VPS13D: variants seen among roughly 807,000 people sequenced by gnomAD.
VPS13D encodes vacuolar protein sorting 13 homolog D.
A neutral mutation model predicts 461.9 loss-of-function variants in VPS13D; 187 were observed. The observed-to-expected ratio is 0.40, with a 90% CI of 0.36 to 0.46. The LOEUF (loss-of-function observed/expected upper bound fraction) is 0.46. Among genes scored for constraint, VPS13D ranks in the 20% least tolerant of loss-of-function variants. The pLI, the probability that VPS13D is intolerant of heterozygous loss-of-function variation, is 0.60. For missense variants in VPS13D, 4,711 were observed against 5,364.9 expected (o/e 0.88, Z 3.81); for synonymous variants, 1,951 against 1,986.3 (o/e 0.98, Z 0.47).
At position 12,298,793 on chromosome 1, in the gene VPS13D, T is replaced by A. The variant is rs1642344935; in HGVS notation, c.6034-409T>A. 2.0e-5 allele frequency among the ~76,000 whole-genome samples: 3 copies of A among 152,344 alleles called. No homozygotes were observed. In the South Asian group the frequency reaches 6.2e-4, roughly 32 times the overall value. ...ACTTCAGATTTAATTTACTTTTCTT[T>A]TTCCAGCTTCTTAAGGTGGAAGCTT... On this transcript the variant is annotated intron_variant, in intron 24 of 69. Transcript: ENST00000620676.
chr1:12,362,933 C>G, intron 51 of VPS13D, 83 bp downstream of exon 51: 1 of 1,595,092 alleles, frequency 6.3e-7, no homozygotes, highest in Non-Finnish European at 8.6e-7. Flanking sequence ...ACTGTACGTT[C>G]TGTGATGCAA....
At chr1:12,367,928 T>A (rs1030198153) in intron 52 of VPS13D, among the ~76,000 whole-genome samples, 10 of 152,030 alleles carry the variant, frequency 6.6e-5, no homozygotes, top group African/African-American at 2.4e-4. Context: ...TTTTAAAAAA[T>A]TAATTATTTT....
intron 27 of VPS13D, among the ~76,000 whole-genome samples, chr1:12,309,965 A>G (rs927144415): frequency 6.6e-6 from 1 of 152,096 alleles, no homozygotes; most frequent in South Asian, 2.1e-4. Flanking sequence ...GTGTTATTCA[A>G]GTGCTCCCTG....
At chr1:12,268,451 G>T (rs1047608109) in intron 15 of VPS13D, among the ~76,000 whole-genome samples, 3 of 151,890 alleles carry the variant, frequency 2.0e-5, no homozygotes, top group African/African-American at 4.8e-5. Flanking sequence ...GGGCTAACTG[G>T]GCAACCTTGC....
chr1:12,342,816 G>T (rs1317615234), intron 41 of VPS13D, 83 bp from the exon 42 acceptor site: 7 of 1,467,904 alleles, frequency 4.8e-6, no homozygotes, highest in Non-Finnish European at 6.4e-6. Context: ...TTGTGAGAAG[G>T]TTCTGCTCTT....
At chr1:12,269,935 C>T (rs945676027) in intron 16 of VPS13D, among the ~76,000 whole-genome samples, 8 of 151,940 alleles carry the variant, frequency 5.3e-5, no homozygotes, top group African/African-American at 9.7e-5. Flanking sequence ...TTGCTTGAGC[C>T]CAGGAGTTTG....
intron 5 of VPS13D, 66 bp from the exon 6 acceptor site, chr1:12,249,157 T>A: frequency 7.4e-7 from 1 of 1,351,028 alleles, no homozygotes. Context: ...TGCTTTTTCT[T>A]TTTTCTTTTC....
Position 12,497,644 on chromosome 1 carries a change from A to C in VPS13D, c.12794+13A>C. The C allele has an allele frequency of 1.2e-6, 2 of 1,608,918 alleles. No homozygotes were observed. Among genetic ancestry groups the C allele is most frequent in the Non-Finnish European group, 1.7e-6 (2 of 1,178,126 alleles). On this transcript the variant is annotated intron_variant, in intron 68 of 69. Transcript: ENST00000620676. ...TACAGGACGAATTGTAAGTTAGAGC[A>C]TGGGAAACCAGCCCTGTGGGTCTAC...
At chr1:12,392,368 A>T (rs1198177906) in intron 60 of VPS13D, among the ~76,000 whole-genome samples, 2 of 151,610 alleles carry the variant, frequency 1.3e-5, no homozygotes, top group East Asian at 3.9e-4. Context: ...GGTCTCAGCT[A>T]CTTCGGAGGC....
chr1:12,358,342 G>T, intron 49 of VPS13D, 117 bp from the exon 50 acceptor site: 1 of 1,339,724 alleles, frequency 7.5e-7, no homozygotes, highest in South Asian at 1.4e-5. Context: ...GTGAGGAAGA[G>T]AGTCAGTGGT....
Position 12,245,321 on chromosome 1 carries a change from A to T in VPS13D, c.447+704A>T, listed in dbSNP as rs1640513887. ...AGGCCAAATGTGTTCAATGTATGTCATGTTCCCAAAAATTACAGTCTGAGG... is the reference window on the plus strand; with the variant it reads ...AGGCCAAATGTGTTCAATGTATGTCTTGTTCCCAAAAATTACAGTCTGAGG... On this transcript the variant is annotated intron_variant, in intron 5 of 69. Coordinates refer to ENST00000620676, the MANE Select transcript of VPS13D (RefSeq NM_015378.4). Among the ~76,000 whole-genome samples, 3 of 152,326 alleles carry T rather than the reference A, an allele frequency of 2.0e-5. 1 individual carries two copies. Among genetic ancestry groups the T allele is most frequent in the Middle Eastern group, 3.4e-3 (1 of 294 alleles).
intron 40 of VPS13D, among the ~76,000 whole-genome samples, chr1:12,340,863 T>G (rs1262028773): frequency 6.6e-6 from 1 of 152,212 alleles, no homozygotes; most frequent in Non-Finnish European, 1.5e-5. Context: ...CCTATTTGTG[T>G]GGCCAGTGGA....
intron 21 of VPS13D, among the ~76,000 whole-genome samples, chr1:12,285,802 T>G (rs1451425551): frequency 2.0e-5 from 3 of 152,198 alleles, no homozygotes; most frequent in African/African-American, 7.2e-5. Context: ...ATGAATGGTT[T>G]AAGAAACTTC....
At position 12,283,304 on chromosome 1, in the gene VPS13D, T is replaced by C. The variant is rs1388167385; in HGVS notation, c.5202T>C (p.Asn1734=). 1.2e-6 allele frequency: 2 copies of C among 1,614,126 alleles called. No individual in the cohort carries two copies. The highest frequency in any genetic ancestry group is 1.7e-6 in the Non-Finnish European group (2 of 1,180,012). ...SLPSHMEEAP[N]VFQLYQRPTS... ...CTTCCCACATGGAAGAAGCTCCTAA[T>C]GTCTTCCAGTTGTATCAAAGGCCCA... The change falls in exon 21 of 70, where the codon AAT becomes AAC. Residue 1734 remains asparagine (N), a synonymous_variant. Coordinates refer to ENST00000620676, the MANE Select transcript of VPS13D (RefSeq NM_015378.4).
rs372890544 is a variant in VPS13D at position 12,286,477 on chromosome 1, C to T, written c.5635-1746C>T. 2.6e-5 allele frequency among the ~76,000 whole-genome samples: 4 copies of T among 152,330 alleles called. No homozygotes were observed. In the East Asian group the frequency reaches 5.8e-4, roughly 22 times the overall value. ...CTTTTAATTATAGTGTATCTGCCCC[C>T]CTCCAACCCCACCGCCTATTGACTT... On this transcript the variant is annotated intron_variant, in intron 21 of 69. Coordinates refer to ENST00000620676, the MANE Select transcript of VPS13D (RefSeq NM_015378.4).
chr1:12,274,452 C>T (rs566425143), intron 18 of VPS13D, among the ~76,000 whole-genome samples: 16 of 152,094 alleles, frequency 1.1e-4, no homozygotes, highest in Middle Eastern at 3.4e-3. Context: ...GCTGGGATTA[C>T]AGGTGTGAGC....
chr1:12,468,269 G>C (rs968929521), intron 67 of VPS13D, among the ~76,000 whole-genome samples: 4 of 152,206 alleles, frequency 2.6e-5, no homozygotes, highest in Non-Finnish European at 4.4e-5. Flanking sequence ...CATTAGAGAA[G>C]GTTGAAGAGC....
Position 12,367,552 on chromosome 1 carries a change from A to AAATTAATTAATT in VPS13D, c.10449-912_10449-911insAATTAATTAATT, listed in dbSNP as rs1463725606. The AAATTAATTAATT allele has an allele frequency of 8.7e-4, 114 of 131,354 alleles. 1 individual carries two copies. Among genetic ancestry groups the AAATTAATTAATT allele is most frequent in the African/African-American group, 4.0e-3 (109 of 27,038 alleles). 8.1% of individuals were successfully genotyped at this position (131,354 alleles called of 1,614,324 possible). ...ACTTATTACATTGGTGGTTGCGATG[A>AAATTAATTAATT]AATTTATTTATTTATTTATTTATTT... On this transcript the variant is annotated intron_variant, in intron 52 of 69. Coordinates refer to ENST00000620676, the MANE Select transcript of VPS13D (RefSeq NM_015378.4).
At chr1:12,490,051 T>C (rs1211522539) in intron 67 of VPS13D, among the ~76,000 whole-genome samples, 1 of 152,204 alleles carries the variant, frequency 6.6e-6, no homozygotes, top group Non-Finnish European at 1.5e-5. Flanking sequence ...CTCCACTGAA[T>C]TGCTGTAAGC....
Sources: allele counts gnomAD v4.1 joint callset (sites outside exome capture counted in the v4.1 genomes callset), GRCh38; gene constraint gnomAD v4.1.1; transcripts MANE v1.5; gene names NCBI Gene and HGNC (gene_info 2026-07-23, HGNC 2026-07-21).